Variants in GSE1 observed in about 807,000 individuals in gnomAD.
The protein encoded by GSE1 is Gse1 coiled-coil protein.
GSE1 carries 32 observed loss-of-function variants against 112.6 expected under a neutral mutation model. The ratio of observed to expected loss-of-function variants is 0.28; its 90% CI spans 0.21 to 0.38. The LOEUF is 0.38. Ranked by LOEUF, GSE1 falls within the 10% of genes least tolerant of loss-of-function variation. The probability of loss-of-function intolerance (pLI) is 1.00; values close to 1 mark genes in which losing one functional copy is unlikely to be tolerated. For missense variants in GSE1, 2,348 were observed against 1,699.2 expected, an observed-to-expected ratio of 1.38 and a Z score of -6.71; for synonymous variants, 1,115 against 735.6, an observed-to-expected ratio of 1.52 and a Z score of -8.35.
At chr16:85,553,397 G>T (rs2045031568), upstream of GSE1, among the ~76,000 whole-genome samples, 2 of 151,604 alleles carry the variant, frequency 1.3e-5, no homozygotes, top group Non-Finnish European at 2.9e-5. Context: ...GGCCTGGCGC[G>T]ACCTCCAGGG....
rs143964976 is a variant in GSE1 at position 85,243,283 on chromosome 16, C to T, written c.2283+71476C>T. The stretch of plus-strand genomic sequence containing the variant: ...AAATCATTCTTGCTGGGCCGAGCTA[C>T]AGTCAAGGTGCCAGTGGAGCAGGTT... On this transcript the variant is annotated intron_variant, in intron 1 of 2. Transcript: ENST00000637419. Among the ~76,000 whole-genome samples the T allele has an allele frequency of 7.6e-3, 1,151 of 152,342 alleles. 24 individuals carry two copies. Among genetic ancestry groups the T allele is most frequent in the African/African-American group, 0.026 (1,078 of 41,568 alleles).
At chr16:85,345,195 T>G (rs965700822) in intron 1 of GSE1, among the ~76,000 whole-genome samples, 12 of 152,210 alleles carry the variant, frequency 7.9e-5, no homozygotes, top group African/African-American at 2.9e-4. Context: ...CTTTCACGTT[T>G]TTAAATGGTT....
intron 1 of GSE1, among the ~76,000 whole-genome samples, chr16:85,342,539 C>A (rs1473524711): frequency 6.6e-6 from 1 of 152,140 alleles, no homozygotes; most frequent in East Asian, 1.9e-4. Flanking sequence ...CCACCAGCCC[C>A]CACTCTCATA....
At chr16:85,638,991 GC>G (rs944354151) in intron 2 of GSE1, among the ~76,000 whole-genome samples, 3 of 152,138 alleles carry the variant, frequency 2.0e-5, no homozygotes, top group African/African-American at 7.2e-5. Context: ...GGCTTGGAGT[GC>G]CCGGGCCCCA....
intron 2 of GSE1, among the ~76,000 whole-genome samples, chr16:85,439,609 G>A (rs996187362): frequency 2.0e-5 from 3 of 152,146 alleles, no homozygotes; most frequent in African/African-American, 7.2e-5. Context: ...GTGTCAGTGG[G>A]GGGTGGGCTT....
chr16:85,434,721 G>A (rs928811586), intron 2 of GSE1, among the ~76,000 whole-genome samples: 3 of 152,260 alleles, frequency 2.0e-5, no homozygotes, highest in African/African-American at 7.2e-5. Context: ...GGGAGGCTGA[G>A]GCAGGAGAGT....
chr16:85,545,524 G>A (rs1283252118), intron 2 of GSE1, among the ~76,000 whole-genome samples: 3 of 152,068 alleles, frequency 2.0e-5, no homozygotes, highest in African/African-American at 7.2e-5. Context: ...CCTGGCTTCC[G>A]ACTTCTCTGA....
In GSE1 at chr16:85,596,763, C is replaced by A. The variant is rs536350023; in HGVS notation, c.37+40400C>A. ...TCATCATGGAAAGTTCAGCCAGGCA[C>A]GGTAGCGCACAGCTGTAATCCCAGC... On this transcript the variant is annotated intron_variant, in intron 1 of 2. Coordinates refer to the GSE1 transcript ENST00000635906. 6.6e-5 allele frequency among the ~76,000 whole-genome samples: 10 copies of A among 152,220 alleles called. No individual in the cohort carries two copies. In the South Asian group the frequency reaches 2.1e-3, roughly 32 times the overall value.
chr16:85,172,681 G>C (rs111549010), intron 1 of GSE1, among the ~76,000 whole-genome samples: 1 of 152,234 alleles, frequency 6.6e-6, no homozygotes. Flanking sequence ...CAGTCAGTGC[G>C]ACTTGTTTTA....
At chr16:85,614,673 C>G (rs980545879) in intron 1 of GSE1, among the ~76,000 whole-genome samples, 2 of 152,198 alleles carry the variant, frequency 1.3e-5, no homozygotes, top group Non-Finnish European at 2.9e-5. Flanking sequence ...CCCAGCTGGG[C>G]GGTGGATGCC....
intron 1 of GSE1, among the ~76,000 whole-genome samples, chr16:85,194,359 A>C (rs2074886745): frequency 6.6e-6 from 1 of 152,206 alleles, no homozygotes; most frequent in Non-Finnish European, 1.5e-5. Flanking sequence ...AACGTCACCC[A>C]GGAGGTCAGA....
At chr16:85,286,376 G>C (rs1352856904) in intron 1 of GSE1, among the ~76,000 whole-genome samples, 2 of 152,330 alleles carry the variant, frequency 1.3e-5, no homozygotes, top group East Asian at 3.9e-4. Context: ...GGGGGTGTCT[G>C]TGTCTTTGTG....
At chr16:85,415,910 G>A (rs1186399736) in intron 2 of GSE1, among the ~76,000 whole-genome samples, 1 of 152,190 alleles carries the variant, frequency 6.6e-6, no homozygotes, top group Non-Finnish European at 1.5e-5. Flanking sequence ...TGAACTTGTG[G>A]CGGACCCATC....
At chr16:85,238,463 T>C (rs1254771268) in intron 1 of GSE1, among the ~76,000 whole-genome samples, 1 of 152,202 alleles carries the variant, frequency 6.6e-6, no homozygotes. Context: ...CTCCGGGCTC[T>C]GCAGGCGGAA....
chr16:85,487,930 C>G (rs2050893792), intron 2 of GSE1, among the ~76,000 whole-genome samples: 1 of 152,214 alleles, frequency 6.6e-6, no homozygotes, highest in African/African-American at 2.4e-5. Flanking sequence ...CACTGATGCC[C>G]CTGGCACCTC....
exon 1 of GSE1, chr16:85,169,638 G>A: frequency 2.0e-6 from 2 of 983,744 alleles, no homozygotes; most frequent in Non-Finnish European, 2.4e-6. Flanking sequence ...GCGGCATCGG[G>A]CGCGGCAAGG....
intron 2 of GSE1, among the ~76,000 whole-genome samples, chr16:85,634,813 CT>C (rs1275853313): frequency 1.3e-5 from 2 of 152,260 alleles, no homozygotes; most frequent in Non-Finnish European, 2.9e-5. Context: ...CTCTGGGGTA[CT>C]TTTTGGCGCC....
intron 1 of GSE1, among the ~76,000 whole-genome samples, chr16:85,221,494 A>G (rs904955470): frequency 2.0e-5 from 3 of 152,116 alleles, no homozygotes; most frequent in Non-Finnish European, 4.4e-5. Flanking sequence ...GCTTATGAGC[A>G]GGGTACGCCA....
exon 1 of GSE1, chr16:85,170,291 G>C (rs533846599): frequency 1.0e-6 from 1 of 985,578 alleles, no homozygotes; most frequent in Non-Finnish European, 1.2e-6. Flanking sequence ...AGGCGCCGGC[G>C]GAAGGGGGTT....
Sources: allele counts gnomAD v4.1 joint callset (sites outside exome capture counted in the v4.1 genomes callset), GRCh38; gene constraint gnomAD v4.1.1; transcripts MANE v1.5; gene names NCBI Gene and HGNC (gene_info 2026-07-23, HGNC 2026-07-21).